CDH8: variants seen among roughly 807,000 people sequenced by gnomAD.
CDH8 encodes cadherin 8.
A neutral mutation model predicts 68.1 loss-of-function variants in CDH8; 17 were observed. The ratio of observed to expected loss-of-function variants is 0.25; its 90% CI spans 0.17 to 0.37. CDH8 has a LOEUF of 0.37. Ranked by LOEUF, CDH8 falls within the 10% of genes least tolerant of loss-of-function variation. The probability of loss-of-function intolerance (pLI) is 1.00; values close to 1 mark genes in which losing one functional copy is unlikely to be tolerated. For missense variants in CDH8, 763 were observed against 999.3 expected, an observed-to-expected ratio of 0.76 and a Z score of 3.19; for synonymous variants, 372 against 365.1, an observed-to-expected ratio of 1.02 and a Z score of -0.21.
chr16:61,799,001 C>T (rs1225703131), intron 7 of CDH8, among the ~76,000 whole-genome samples: 3 of 152,102 alleles, frequency 2.0e-5, no homozygotes, highest in African/African-American at 7.2e-5. Flanking sequence ...CTTGTGTGTG[C>T]TTCTCTATGA....
chr16:61,721,760 T>C (rs1202048831), intron 9 of CDH8, among the ~76,000 whole-genome samples: 2 of 150,796 alleles, frequency 1.3e-5, no homozygotes, highest in Non-Finnish European at 3.0e-5. Flanking sequence ...TTGGAGAGCA[T>C]TGCGACATCC....
intron 3 of CDH8, among the ~76,000 whole-genome samples, chr16:61,873,793 C>T (rs1299664633): frequency 2.0e-5 from 3 of 152,124 alleles, no homozygotes; most frequent in South Asian, 2.1e-4. Flanking sequence ...AGGTGGCTCA[C>T]GCCTGTAATC....
intron 3 of CDH8, among the ~76,000 whole-genome samples, chr16:61,879,436 C>T (rs995985064): frequency 1.4e-4 from 22 of 152,288 alleles, no homozygotes; most frequent in African/African-American, 4.6e-4. Flanking sequence ...GAATCAGCAG[C>T]CTTGCCACTC....
At chr16:61,931,758 A>G (rs1368767447) in intron 2 of CDH8, among the ~76,000 whole-genome samples, 1 of 152,198 alleles carries the variant, frequency 6.6e-6, no homozygotes, top group Non-Finnish European at 1.5e-5. Context: ...TGCTACCCAC[A>G]GTTATAAGAC....
At chr16:61,759,437 G>A (rs935122763) in intron 8 of CDH8, among the ~76,000 whole-genome samples, 24 of 152,150 alleles carry the variant, frequency 1.6e-4, no homozygotes, top group African/African-American at 4.8e-4. Context: ...TATAGCAGTA[G>A]TAGGAGGAGG....
chr16:61,878,747 G>T (rs1407524497), intron 3 of CDH8, among the ~76,000 whole-genome samples: 2 of 152,122 alleles, frequency 1.3e-5, no homozygotes, highest in Non-Finnish European at 2.9e-5. Context: ...GTCATTTGCT[G>T]CAGGCACATT....
chr16:61,789,945 A>T (rs1447009281), intron 7 of CDH8, among the ~76,000 whole-genome samples: 1 of 151,872 alleles, frequency 6.6e-6, no homozygotes, highest in East Asian at 1.9e-4. Flanking sequence ...CATTTATGGG[A>T]TTTCATTTTG....
At chr16:61,686,565 C>T (rs1964112283) in intron 10 of CDH8, among the ~76,000 whole-genome samples, 1 of 151,932 alleles carries the variant, frequency 6.6e-6, no homozygotes, top group African/African-American at 2.4e-5. Context: ...TGCTGTGTAA[C>T]CTTCCACCTA....
rs528330025 is a variant in CDH8, at chr16:61,890,953, C to T, written c.547+10226G>A. The stretch of plus-strand genomic sequence containing the variant: ...GGTGAATCTGAGACAGCTCAGACAG[C>T]CCTATAGTGAATAGTTCTATAATTT... On this transcript the variant is annotated intron_variant, in intron 3 of 11. Transcript: ENST00000577390. 5.3e-5 allele frequency among the ~76,000 whole-genome samples: 8 copies of T among 152,182 alleles called. No individual in the cohort carries two copies. In the South Asian group the frequency reaches 8.3e-4, roughly 16 times the overall value.
At chr16:61,983,333 T>C (rs1390037836) in intron 2 of CDH8, among the ~76,000 whole-genome samples, 2 of 152,234 alleles carry the variant, frequency 1.3e-5, no homozygotes, top group Non-Finnish European at 2.9e-5. Flanking sequence ...ATCTATCCAA[T>C]GGAAATTTGA....
chr16:61,950,405 C>G (rs1289460954), intron 2 of CDH8, among the ~76,000 whole-genome samples: 1 of 152,018 alleles, frequency 6.6e-6, no homozygotes, highest in East Asian at 1.9e-4. Flanking sequence ...CATAAGAGTT[C>G]AATACTTATT....
chr16:61,944,320 T>C (rs1964768079), intron 2 of CDH8, among the ~76,000 whole-genome samples: 1 of 152,186 alleles, frequency 6.6e-6, no homozygotes, highest in Non-Finnish European at 1.5e-5. Flanking sequence ...TGGATGTTGA[T>C]TGTCTGAGAA....
At chr16:61,943,250 C>T (rs542388126) in intron 2 of CDH8, among the ~76,000 whole-genome samples, 3 of 152,270 alleles carry the variant, frequency 2.0e-5, no homozygotes, top group East Asian at 3.9e-4. Context: ...TATCTGGATT[C>T]GTCTGTATTT....
chr16:62,021,007 C>T, intron 2 of CDH8, 145 bp downstream of exon 2: 2 of 715,890 alleles, frequency 2.8e-6, no homozygotes, highest in Non-Finnish European at 4.7e-6. Context: ...TAATCGTATT[C>T]CTAACAGAAC....
intron 2 of CDH8, among the ~76,000 whole-genome samples, chr16:61,940,942 A>C (rs943351584): frequency 6.6e-6 from 1 of 152,254 alleles, no homozygotes; most frequent in Non-Finnish European, 1.5e-5. Flanking sequence ...ATAATCATAA[A>C]AACAGTAATA....
intron 2 of CDH8, among the ~76,000 whole-genome samples, chr16:61,949,006 A>G (rs1159300975): frequency 6.6e-6 from 1 of 152,190 alleles, no homozygotes; most frequent in Non-Finnish European, 1.5e-5. Flanking sequence ...TCACATCTCT[A>G]AATTGGAGAT....
chr16:61,647,582 T>G lies in CDH8; in HGVS notation c.*6026A>C, dbSNP rs1963232487. 4 of 528,056 alleles carry G rather than the reference T, an allele frequency of 7.6e-6. No homozygotes were observed. The East Asian group carries it at 9.6e-5, about 13-fold the overall frequency. 32.7% of individuals were successfully genotyped at this position (528,056 alleles called of 1,614,324 possible). On this transcript the variant is annotated 3_prime_UTR_variant, in exon 12 of 12. Coordinates refer to ENST00000577390, the MANE Select transcript of CDH8 (RefSeq NM_001796.5). Reference sequence around the variant, plus strand: ...ATAGGATGGCCTGAAGTTCTTTGCATGTACAGAAGAAATCCCAAGAAATTA... The same window carrying G: ...ATAGGATGGCCTGAAGTTCTTTGCAGGTACAGAAGAAATCCCAAGAAATTA...
At chr16:61,796,169 G>A (rs529032292) in intron 7 of CDH8, among the ~76,000 whole-genome samples, 6 of 151,922 alleles carry the variant, frequency 3.9e-5, no homozygotes, top group Middle Eastern at 3.4e-3. Context: ...AATAAAAAAG[G>A]GAATAGATAA....
chr16:61,734,956 C>T (rs1296852974), intron 8 of CDH8, among the ~76,000 whole-genome samples: 1 of 152,026 alleles, frequency 6.6e-6, no homozygotes, highest in African/African-American at 2.4e-5. Context: ...GTGCCACATG[C>T]CCTGAGAAGC....
Sources: gnomAD v4.1 joint callset for allele counts (sites outside exome capture counted in the v4.1 genomes callset) on GRCh38, gnomAD v4.1.1 for gene constraint, MANE v1.5 for transcripts, NCBI Gene and HGNC (gene_info 2026-07-23, HGNC 2026-07-21) for gene names.